MAEL: variants seen among roughly 807,000 people sequenced by gnomAD.
MAEL encodes protein maelstrom homolog.
MAEL carries 46 observed loss-of-function variants against 62.0 expected under a neutral mutation model. That is an observed-to-expected ratio of 0.74 (90% CI 0.59 to 0.95). The LOEUF (loss-of-function observed/expected upper bound fraction) is 0.95, where lower values mean the gene tolerates loss of function less well. Among genes scored for constraint, MAEL ranks in the 40% least tolerant of loss-of-function variants. The pLI, the probability that MAEL is intolerant of heterozygous loss-of-function variation, is 0.00. For missense variants in MAEL, 497 were observed against 526.8 expected, an observed-to-expected ratio of 0.94 and a Z score of 0.55; for synonymous variants, 172 against 175.5, an observed-to-expected ratio of 0.98 and a Z score of 0.16.
At chr1:167,019,618 T>C (rs749580426) in intron 10 of MAEL, among the ~76,000 whole-genome samples, 15 of 152,174 alleles carry the variant, frequency 9.9e-5, no homozygotes, top group Non-Finnish European at 1.8e-4. Flanking sequence ...ATTAACCTTT[T>C]CAAATGGTGA....
rs369901821 is a variant in MAEL at position 166,996,328 on chromosome 1, A to G, written c.523+2259A>G. ...TCTGATCTTTTATGAACTATGAGTG[A>G]GAGTATAGGAGGTCCTGGTGCTTCT... On this transcript the variant is annotated intron_variant, in intron 5 of 11. Transcript: ENST00000367872. Among the ~76,000 whole-genome samples, 25 of 152,256 alleles carry G rather than the reference A, an allele frequency of 1.6e-4. No homozygotes were observed. The East Asian group carries it at 4.4e-3, about 27-fold the overall frequency.
In MAEL at chr1:166,989,817, C is replaced by A. The variant is rs761727927; in HGVS notation, c.213C>A (p.Pro71=). ...CCGCTCAGGGAAAGGACCCTGGGCC[C>A]TCAGAGAAGCAGGTAAAGTTAACGA... ...WRAAQGKDPG[P]SEKQKPVFTP... The change falls in exon 2 of 12, where the codon CCC becomes CCA. Residue 71 remains proline (P), a synonymous_variant. Transcript: ENST00000367872. 6.2e-7 allele frequency: 1 copy of A among 1,611,756 alleles called. No homozygotes were observed. Among genetic ancestry groups the A allele is most frequent in the Non-Finnish European group, 8.5e-7 (1 of 1,179,374 alleles).
At chr1:166,983,866 G>T (rs1222217487) in intron 1 of MAEL, among the ~76,000 whole-genome samples, 1 of 151,918 alleles carries the variant, frequency 6.6e-6, no homozygotes, top group Non-Finnish European at 1.5e-5. Context: ...GCTGGGCATG[G>T]TGGCGCACAC....
intron 8 of MAEL, among the ~76,000 whole-genome samples, chr1:167,010,105 C>T (rs1016472074): frequency 6.6e-6 from 1 of 152,084 alleles, no homozygotes; most frequent in African/African-American, 2.4e-5. Context: ...GGCGGTTCCC[C>T]CATGCTGTTC....
rs184038345 is a variant in MAEL at position 167,011,504 on chromosome 1, G to A, written c.846-4718G>A. On this transcript the variant is annotated intron_variant, in intron 8 of 11. Coordinates refer to ENST00000367872, the MANE Select transcript of MAEL (RefSeq NM_032858.3). ...GTTTTTATACATTATTGTCCTCTGTGCCATTAAGAGTGTTGGCGATACAGC... is the reference window on the plus strand; with the variant it reads ...GTTTTTATACATTATTGTCCTCTGTACCATTAAGAGTGTTGGCGATACAGC... Among the ~76,000 whole-genome samples the A allele has an allele frequency of 4.6e-5, 7 of 152,154 alleles. No individual in the cohort carries two copies. In the East Asian group the frequency reaches 1.4e-3, roughly 29 times the overall value.
upstream of MAEL, among the ~76,000 whole-genome samples, chr1:166,986,371 T>C (rs1456563851): frequency 1.3e-5 from 2 of 152,106 alleles, no homozygotes; most frequent in Non-Finnish European, 2.9e-5. Flanking sequence ...AAAAAAGCAA[T>C]GTGAAATTAA....
chr1:167,018,499 AC>A (rs1665488858), intron 10 of MAEL, among the ~76,000 whole-genome samples: 1 of 152,142 alleles, frequency 6.6e-6, no homozygotes, highest in Non-Finnish European at 1.5e-5. Context: ...CAATACTTGA[AC>A]TGTCTGTACT....
Position 166,989,499 on chromosome 1 carries a change from G to C in MAEL, c.132+15G>C. 3.2e-6 allele frequency: 5 copies of C among 1,579,776 alleles called. No individual in the cohort carries two copies. The highest frequency in any genetic ancestry group is 4.3e-6 in the Non-Finnish European group (5 of 1,162,444). ...CAGACTGGGCGGTAAGGCTGGAGCG[G>C]AGTGAGAGGGCTGGGCAGGGCAGTT... is the stretch of plus-strand genomic sequence containing the variant. On this transcript the variant is annotated intron_variant, in intron 1 of 11. Transcript: ENST00000367872.
At chr1:166,989,130 G>A (rs529199083), upstream of MAEL, 13 of 598,242 alleles carry the variant, frequency 2.2e-5, no homozygotes, top group East Asian at 2.7e-4. Context: ...CACCTGCGAC[G>A]GCGCTCTCCC....
upstream of MAEL, among the ~76,000 whole-genome samples, chr1:166,988,280 G>C (rs1663988376): frequency 6.6e-6 from 1 of 150,540 alleles, no homozygotes; most frequent in Non-Finnish European, 1.5e-5. Context: ...AGCCCAGGAG[G>C]TCTAGGCTGC....
intron 5 of MAEL, among the ~76,000 whole-genome samples, chr1:167,001,044 T>C (rs934614953): frequency 1.3e-5 from 2 of 152,176 alleles, no homozygotes; most frequent in African/African-American, 2.4e-5. Context: ...CTGTAGTATA[T>C]ATATGTGTGT....
intron 5 of MAEL, among the ~76,000 whole-genome samples, chr1:166,995,199 T>C (rs1279057554): frequency 1.3e-5 from 2 of 152,122 alleles, no homozygotes; most frequent in Non-Finnish European, 2.9e-5. Flanking sequence ...GGCTGTAGGC[T>C]ATGGAATAAG....
chr1:167,013,384 CAG>C (rs1665251040), intron 8 of MAEL, among the ~76,000 whole-genome samples: 1 of 152,204 alleles, frequency 6.6e-6, no homozygotes, highest in Admixed American at 6.5e-5. Context: ...TTCAAAGTCT[CAG>C]TACCTCTCAG....
At chr1:167,014,693 C>G (rs547360327) in intron 8 of MAEL, among the ~76,000 whole-genome samples, 1 of 152,194 alleles carries the variant, frequency 6.6e-6, no homozygotes, top group African/African-American at 2.4e-5. Context: ...AAGGGGGGAC[C>G]TTTCCAATAA....
chr1:166,999,376 A>G (rs1433466943), intron 5 of MAEL, among the ~76,000 whole-genome samples: 1 of 152,254 alleles, frequency 6.6e-6, no homozygotes, highest in Non-Finnish European at 1.5e-5. Flanking sequence ...AGAATAGATC[A>G]ACATTCTCCA....
At position 167,004,294 on chromosome 1, in the gene MAEL, T is replaced by C. The variant is rs1220280074; in HGVS notation, c.638T>C (p.Ile213Thr). The C allele has an allele frequency of 1.3e-6, 2 of 1,598,378 alleles. No individual in the cohort carries two copies. Among genetic ancestry groups the C allele is most frequent in the East Asian group, 2.3e-5 (1 of 44,416 alleles). Residue 213 changes from isoleucine (I) to threonine (T), a missense_variant, in exon 6 of 12, where the codon ATC (isoleucine) becomes ACC (threonine). By Grantham distance (89) the Ile-to-Thr change is moderately conservative (BLOSUM62 -1). Coordinates refer to ENST00000367872, the MANE Select transcript of MAEL (RefSeq NM_032858.3). Reference protein sequence around the residue: ...IHPNPGNWPPIYCKSDDRTRV... With the variant: ...IHPNPGNWPPTYCKSDDRTRV... ...CCCAACCCAGGGAACTGGCCACCTA[T>C]CTACTGCAAGGTAATTTCAGGTTAA...
chr1:167,011,736 G>T (rs951063555), intron 8 of MAEL, among the ~76,000 whole-genome samples: 4 of 152,176 alleles, frequency 2.6e-5, no homozygotes, highest in Non-Finnish European at 4.4e-5. Flanking sequence ...TTACCATCAA[G>T]ATTAATAATT....
In MAEL at chr1:167,017,917, T is replaced by C. The variant is rs1665462849; in HGVS notation, c.999T>C (p.Ser333=). 1 of 1,613,214 alleles carries C rather than the reference T, an allele frequency of 6.2e-7. No individual in the cohort carries two copies. The highest frequency in any genetic ancestry group is 1.3e-5 in the African/African-American group (1 of 74,868). ...TACAAGATTATGAGGCCAGCAATAGTGTGACACCCAAAATGGTTGTATTGG... is the reference window on the plus strand; with the variant it reads ...TACAAGATTATGAGGCCAGCAATAGCGTGACACCCAAAATGGTTGTATTGG... ...VPLQDYEASN[S]VTPKMVVLDA... is the part of the protein sequence containing the mutation. The change falls in exon 10 of 12, where the codon AGT becomes AGC. Residue 333 remains serine, a synonymous_variant. Coordinates refer to ENST00000367872, the MANE Select transcript of MAEL (RefSeq NM_032858.3).
At chr1:167,004,613 C>T (rs1553237564) in intron 6 of MAEL, among the ~76,000 whole-genome samples, 2 of 152,150 alleles carry the variant, frequency 1.3e-5, no homozygotes, top group Non-Finnish European at 1.5e-5. Context: ...CCATTCTATT[C>T]CGTACACCTA....
Sources: gnomAD v4.1 joint callset for allele counts (sites outside exome capture counted in the v4.1 genomes callset) on GRCh38, gnomAD v4.1.1 for gene constraint, MANE v1.5 for transcripts, NCBI Gene and HGNC (gene_info 2026-07-23, HGNC 2026-07-21) for gene names.